Variants in AGPAT3 observed in about 807,000 individuals in gnomAD.
AGPAT3 encodes 1-acylglycerol-3-phosphate O-acyltransferase 3.
AGPAT3 carries 5 observed loss-of-function variants against 47.3 expected under a neutral mutation model. The ratio of observed to expected loss-of-function variants is 0.11; its 90% CI spans 0.06 to 0.22. The LOEUF is 0.22. Ranked by LOEUF, AGPAT3 falls within the 10% of genes least tolerant of loss-of-function variation. The pLI, the probability that AGPAT3 is intolerant of heterozygous loss-of-function variation, is 1.00. For missense variants in AGPAT3, 315 were observed against 493.0 expected, an observed-to-expected ratio of 0.64 and a Z score of 3.42; for synonymous variants, 212 against 208.3, an observed-to-expected ratio of 1.02 and a Z score of -0.15.
intron 7 of AGPAT3, among the ~76,000 whole-genome samples, chr21:43,975,277 C>T (rs537861518): frequency 0.011 from 1,563 of 142,582 alleles, 24 homozygotes; most frequent in Admixed American, 0.03. Flanking sequence ...TGTGTGCTGG[C>T]GTGTGGTATG....
chr21:43,942,928 A>G (rs1204885074), intron 2 of AGPAT3, among the ~76,000 whole-genome samples: 2 of 152,236 alleles, frequency 1.3e-5, no homozygotes, highest in East Asian at 3.8e-4. Flanking sequence ...GGCAGCCCTC[A>G]GAGCCCCTTG....
intron 2 of AGPAT3, among the ~76,000 whole-genome samples, chr21:43,913,219 T>A (rs1330611099): frequency 6.6e-6 from 1 of 152,212 alleles, no homozygotes; most frequent in East Asian, 1.9e-4. Flanking sequence ...GTTAGCCCTG[T>A]TTGCTAAATT....
At chr21:43,959,083 G>GGT (rs964453259) in intron 2 of AGPAT3, among the ~76,000 whole-genome samples, 12 of 50,284 alleles carry the variant, frequency 2.4e-4, no homozygotes, top group Non-Finnish European at 4.5e-4. Context: ...TGTGGTTTGT[G>GGT]GTGTGTGTGT....
At chr21:43,915,568 T>A (rs559503950) in intron 2 of AGPAT3, among the ~76,000 whole-genome samples, 1 of 151,546 alleles carries the variant, frequency 6.6e-6, no homozygotes, top group African/African-American at 2.4e-5. Flanking sequence ...TGCACCACCA[T>A]GCCTGGCTAA....
intron 1 of AGPAT3, among the ~76,000 whole-genome samples, chr21:43,878,656 C>T (rs1326824557): frequency 2.6e-5 from 4 of 152,038 alleles, no homozygotes; most frequent in African/African-American, 4.8e-5. Flanking sequence ...GCAAAGATCA[C>T]GTCTGTTTCT....
At chr21:43,885,566 T>C (rs2085957361) in intron 1 of AGPAT3, among the ~76,000 whole-genome samples, 1 of 152,118 alleles carries the variant, frequency 6.6e-6, no homozygotes, top group Admixed American at 6.5e-5. Context: ...TTTTTGTATT[T>C]TTAGTAGAGA....
intron 8 of AGPAT3, among the ~76,000 whole-genome samples, chr21:43,979,519 C>T (rs1225188593): frequency 2.0e-5 from 3 of 152,000 alleles, no homozygotes; most frequent in Non-Finnish European, 2.9e-5. Context: ...CAAGGCGGGA[C>T]GTTAGAACCA....
chr21:43,968,180 CG>C, intron 4 of AGPAT3, 65 bp downstream of exon 4: 3 of 807,688 alleles, frequency 3.7e-6, no homozygotes, highest in Non-Finnish European at 3.2e-6. Context: ...CGGGGGTGAG[CG>C]GGGACCCAGG....
At chr21:43,923,802 C>T (rs868658975) in intron 2 of AGPAT3, among the ~76,000 whole-genome samples, 2 of 152,158 alleles carry the variant, frequency 1.3e-5, no homozygotes, top group Admixed American at 1.3e-4. Context: ...CTGGGGTGCA[C>T]GGGCCTCCCA....
chr21:43,923,477 G>GCGCC (rs1721261190), intron 2 of AGPAT3, among the ~76,000 whole-genome samples: 1 of 152,182 alleles, frequency 6.6e-6, no homozygotes, highest in South Asian at 2.1e-4. Flanking sequence ...ACCCACCCAG[G>GCGCC]CGCCCTCCAA....
intron 2 of AGPAT3, among the ~76,000 whole-genome samples, chr21:43,919,377 C>T (rs2086838236): frequency 6.6e-6 from 1 of 152,196 alleles, no homozygotes; most frequent in Admixed American, 6.5e-5. Flanking sequence ...TTAGCTCCCA[C>T]TTATAAGTGA....
At chr21:43,923,035 A>G (rs2086941242) in intron 2 of AGPAT3, among the ~76,000 whole-genome samples, 1 of 152,192 alleles carries the variant, frequency 6.6e-6, no homozygotes, top group Non-Finnish European at 1.5e-5. Flanking sequence ...CTTCCCAAAG[A>G]AAACCAGCTG....
intron 2 of AGPAT3, among the ~76,000 whole-genome samples, chr21:43,928,741 C>T (rs2087139366): frequency 6.6e-6 from 1 of 152,210 alleles, no homozygotes; most frequent in Non-Finnish European, 1.5e-5. Context: ...GGGGCACTCG[C>T]TACTGGAGAC....
At chr21:43,975,089 T>C (rs1243963612) in intron 7 of AGPAT3, among the ~76,000 whole-genome samples, 1 of 152,026 alleles carries the variant, frequency 6.6e-6, no homozygotes, top group East Asian at 1.9e-4. Context: ...ATGTTGCATG[T>C]GCTGGCATGT....
In AGPAT3 at chr21:43,930,840, G is replaced by T. The variant is rs2087217730; in HGVS notation, c.-49+26821G>T. ...CCAGTGTGCGGTCCTCAAGCTGCTGGTGACAAACGCAAGGGGCCTGCTGCC... is the reference window on the plus strand; with the variant it reads ...CCAGTGTGCGGTCCTCAAGCTGCTGTTGACAAACGCAAGGGGCCTGCTGCC... On this transcript the variant is annotated intron_variant, in intron 2 of 9. Transcript: ENST00000291572. This position sits in a 1 kb window ranked among gnomAD's most constrained non-coding sequence, Gnocchi z 5.0. Among the ~76,000 whole-genome samples, 1 of 152,192 alleles carries T rather than the reference G, an allele frequency of 6.6e-6. No individual in the cohort carries two copies. Among genetic ancestry groups the T allele is most frequent in the South Asian group, 2.1e-4 (1 of 4,828 alleles).
In AGPAT3 at chr21:43,933,040, A is replaced by G. The variant is rs2087307682; in HGVS notation, c.-48-26594A>G. On this transcript the variant is annotated intron_variant, in intron 2 of 9. Transcript: ENST00000291572. This position sits in a 1 kb window ranked among gnomAD's most constrained non-coding sequence, Gnocchi z 6.0. Reference sequence around the variant, plus strand: ...CGCTCTCTCTCCCTCACAGCGTGCCAGGTGCCTTTTCTCTGCGTTCTCGTC... The same window carrying G: ...CGCTCTCTCTCCCTCACAGCGTGCCGGGTGCCTTTTCTCTGCGTTCTCGTC... Among the ~76,000 whole-genome samples the G allele has an allele frequency of 6.6e-6, 1 of 152,224 alleles. No individual in the cohort carries two copies. Among genetic ancestry groups the G allele is most frequent in the African/African-American group, 2.4e-5 (1 of 41,454 alleles).
chr21:43,956,322 C>T (rs2088464971), intron 2 of AGPAT3, among the ~76,000 whole-genome samples: 1 of 152,218 alleles, frequency 6.6e-6, no homozygotes, highest in Admixed American at 6.5e-5. Context: ...TTCTGAGCCT[C>T]GCTATCTGGA....
intron 7 of AGPAT3, among the ~76,000 whole-genome samples, chr21:43,975,746 G>A (rs1010695514): frequency 5.3e-5 from 8 of 152,140 alleles, no homozygotes; most frequent in East Asian, 1.9e-4. Flanking sequence ...GTTTGTTTTC[G>A]TTTTTGTTTT....
At chr21:43,915,764 T>TA (rs1401638516) in intron 2 of AGPAT3, among the ~76,000 whole-genome samples, 2 of 152,008 alleles carry the variant, frequency 1.3e-5, no homozygotes, top group African/African-American at 4.8e-5. Context: ...TTTGTTGATT[T>TA]AAAAAAAATT....
Sources: gnomAD v4.1 joint callset for allele counts (sites outside exome capture counted in the v4.1 genomes callset) on GRCh38, gnomAD v4.1.1 for gene constraint, Gnocchi (gnomAD v3.1) non-coding constraint, MANE v1.5 for transcripts, NCBI Gene and HGNC (gene_info 2026-07-23, HGNC 2026-07-21) for gene names.